The following USP14 variants were observed in gnomAD, a reference collection of about 807,000 sequenced individuals.
The protein encoded by USP14 is ubiquitin carboxyl-terminal hydrolase 14.
A neutral mutation model predicts 76.5 loss-of-function variants in USP14; 38 were observed. The observed-to-expected ratio is 0.50, with a 90% CI of 0.38 to 0.65. USP14 has a LOEUF of 0.65. Ranked by LOEUF, USP14 falls within the 30% of genes least tolerant of loss-of-function variation. The pLI, the probability that USP14 is intolerant of heterozygous loss-of-function variation, is 0.00. For missense variants in USP14, 467 were observed against 586.5 expected (o/e 0.80, Z 2.10); for synonymous variants, 192 against 191.7 (o/e 1.00, Z -0.01).
intron 3 of USP14, among the ~76,000 whole-genome samples, chr18:175,360 A>G (rs532610272): frequency 6.6e-6 from 1 of 152,290 alleles, no homozygotes; most frequent in Non-Finnish European, 1.5e-5. Flanking sequence ...CCTTAGGGGA[A>G]AAGCCTCCAG....
In USP14 at chr18:166,341, G is replaced by GT. The variant is rs1369316196; in HGVS notation, c.163-437dup. On this transcript the variant is annotated intron_variant, in intron 2 of 15. Coordinates refer to ENST00000261601, the MANE Select transcript of USP14 (RefSeq NM_005151.4). ...CCACTTGTGTTTAAAAAAAATTTTTGTTTTTTTTTGAGATGGAGCCTTGTT... is the reference window on the plus strand; with the variant it reads ...CCACTTGTGTTTAAAAAAAATTTTTGTTTTTTTTTTGAGATGGAGCCTTGTT... Among the ~76,000 whole-genome samples, 1,157 of 150,728 alleles carry GT rather than the reference G, an allele frequency of 7.7e-3. 15 individuals carry two copies. The highest frequency in any genetic ancestry group is 0.026 in the African/African-American group (1,070 of 41,120).
intron 4 of USP14, 27 bp downstream of exon 4, chr18:179,064 T>C: frequency 6.6e-7 from 1 of 1,517,600 alleles, no homozygotes. Flanking sequence ...TTTATGTGTT[T>C]GATCACTACT....
intron 3 of USP14, among the ~76,000 whole-genome samples, chr18:174,008 C>CT (rs1568417814): frequency 6.6e-6 from 1 of 151,796 alleles, no homozygotes; most frequent in Non-Finnish European, 1.5e-5. Flanking sequence ...AGTTGTTTTT[C>CT]TTTTTTAAAG....
chr18:178,893 C>T, intron 3 of USP14, 40 bp from the exon 4 acceptor site: 1 of 1,509,804 alleles, frequency 6.6e-7, no homozygotes, highest in Non-Finnish European at 9.1e-7. Context: ...ACATTACCAA[C>T]TTTTAAGGAT....
At chr18:186,794 G>GT (rs1045043730) in intron 5 of USP14, among the ~76,000 whole-genome samples, 1 of 151,944 alleles carries the variant, frequency 6.6e-6, no homozygotes, top group African/African-American at 2.4e-5. Flanking sequence ...TTATATTTGG[G>GT]TTTTTTCTTT....
chr18:169,360 C>CAAAAAA (rs11336218), intron 3 of USP14, among the ~76,000 whole-genome samples: 4 of 79,382 alleles, frequency 5.0e-5, no homozygotes, highest in African/African-American at 1.4e-4. Context: ...GACTCTACCT[C>CAAAAAA]AAAAAAAAAA....
intron 3 of USP14, among the ~76,000 whole-genome samples, chr18:177,754 G>A (rs1909667528): frequency 6.6e-6 from 1 of 151,278 alleles, no homozygotes; most frequent in Non-Finnish European, 1.5e-5. Context: ...TTAAGATTAT[G>A]AGCTTTACAA....
chr18:196,818 C>T (rs1248278477), intron 7 of USP14, 51 bp downstream of exon 7: 4 of 1,597,034 alleles, frequency 2.5e-6, no homozygotes, highest in South Asian at 1.1e-5. Context: ...CTTAGGTTTC[C>T]TACATTTACC....
intron 6 of USP14, among the ~76,000 whole-genome samples, chr18:194,745 A>G (rs1598275632): frequency 6.6e-6 from 1 of 152,324 alleles, no homozygotes; most frequent in Non-Finnish European, 1.5e-5. Context: ...AGCCTGGCCA[A>G]CATGGCGAAA....
intron 5 of USP14, among the ~76,000 whole-genome samples, chr18:190,908 A>G (rs1385019182): frequency 1.3e-5 from 2 of 152,060 alleles, no homozygotes; most frequent in Non-Finnish European, 2.9e-5. Context: ...ATTACATTTT[A>G]TTGCTCTAAT....
chr18:207,828 C>A (rs1004996843), intron 13 of USP14, among the ~76,000 whole-genome samples: 1 of 152,054 alleles, frequency 6.6e-6, no homozygotes, highest in African/African-American at 2.4e-5. Context: ...ATAGTTTATT[C>A]TTTTTGATGC....
chr18:173,275 T>A (rs1343415202), intron 3 of USP14, among the ~76,000 whole-genome samples: 4 of 151,010 alleles, frequency 2.6e-5, no homozygotes, highest in South Asian at 4.2e-4. Flanking sequence ...ACCCGGCTAT[T>A]TTTTTTGTAT....
At chr18:198,794 A>ATT (rs892819094) in intron 9 of USP14, among the ~76,000 whole-genome samples, 1 of 152,094 alleles carries the variant, frequency 6.6e-6, no homozygotes, top group African/African-American at 2.4e-5. Context: ...GAATTTTTTA[A>ATT]TTTTATAAAA....
chr18:210,304 T>TTA (rs1469787794), intron 14 of USP14, 82 bp from the exon 15 acceptor site: 1 of 1,034,076 alleles, frequency 9.7e-7, no homozygotes, highest in African/African-American at 1.6e-5. Context: ...AATGTGAACT[T>TTA]TAGAGTTATT....
intron 5 of USP14, among the ~76,000 whole-genome samples, chr18:184,264 A>G (rs1321382986): frequency 6.6e-6 from 1 of 152,196 alleles, no homozygotes; most frequent in Non-Finnish European, 1.5e-5. Context: ...AATTTTCTCA[A>G]GAGAGTGCAC....
chr18:204,707 C>G lies in USP14; in HGVS notation c.1164+15C>G. 4 of 1,608,184 alleles carry G rather than the reference C, an allele frequency of 2.5e-6. No individual in the cohort carries two copies. The highest frequency in any genetic ancestry group is 3.4e-6 in the Non-Finnish European group (4 of 1,178,480). ...AGCCAAATACAGTAGGTTCTTACTG[C>G]TGACTTTATACTCTTAATATCTTAA... On this transcript the variant is annotated intron_variant, in intron 13 of 15. Transcript: ENST00000261601.
rs145171141 is a variant in USP14, at chr18:204,866, A to G, written c.1164+174A>G. 3.5e-3 allele frequency among the ~76,000 whole-genome samples: 539 copies of G among 151,834 alleles called. 1 individual carries two copies. Among genetic ancestry groups the G allele is most frequent in the African/African-American group, 0.012 (502 of 41,412 alleles). ...CAGGTATACACATCCTCCATATATCAGTGCAGATCTTTAAAGTTTTGCATG... is the reference window on the plus strand; with the variant it reads ...CAGGTATACACATCCTCCATATATCGGTGCAGATCTTTAAAGTTTTGCATG... On this transcript the variant is annotated intron_variant, in intron 13 of 15. Transcript: ENST00000261601.
In USP14 at chr18:180,306, G is replaced by T; in HGVS notation, c.371G>T (p.Arg124Leu). The change falls in exon 5 of 16, where the codon CGT (arginine) becomes CTT (leucine). Residue 124 changes from arginine to leucine, a missense_variant. Coordinates refer to ENST00000261601, the MANE Select transcript of USP14 (RefSeq NM_005151.4). ...ATGAATGCCACAGTTCAGTGTATTC[G>T]TTCTGTGCCTGAACTCAAAGATGCC... The part of the protein sequence containing the change: ...CYMNATVQCI[R>L]SVPELKDALK... The T allele has an allele frequency of 6.3e-7, 1 of 1,587,790 alleles. No individual in the cohort carries two copies. Among genetic ancestry groups the T allele is most frequent in the Non-Finnish European group, 8.5e-7 (1 of 1,173,318 alleles).
At position 214,219 on chromosome 18, in the gene USP14, C is replaced by T. The variant is rs75964793; in HGVS notation, c.*2935C>T. 26 of 161,484 alleles carry T rather than the reference C, an allele frequency of 1.6e-4. No individual in the cohort carries two copies. Among genetic ancestry groups the T allele is most frequent in the Non-Finnish European group, 2.7e-4 (20 of 74,040 alleles). The allele number at this position is 161,484 out of a possible 1,614,324, so 10.0% of individuals were successfully genotyped here. On this transcript the variant is annotated 3_prime_UTR_variant, in exon 16 of 16. Coordinates refer to ENST00000261601, the MANE Select transcript of USP14 (RefSeq NM_005151.4). ...TTTGTTGATCCTCTGCTTGAAAGCA[C>T]GAATAAGTGAGAACAGAGCAGTCAT...
Sources: gnomAD v4.1 joint callset for allele counts (sites outside exome capture counted in the v4.1 genomes callset) on GRCh38, gnomAD v4.1.1 for gene constraint, MANE v1.5 for transcripts, NCBI Gene and HGNC (gene_info 2026-07-23, HGNC 2026-07-21) for gene names.